Variants in FARS2 observed in about 807,000 individuals in gnomAD.
FARS2 encodes phenylalanine--tRNA ligase, mitochondrial.
A neutral mutation model predicts 46.4 loss-of-function variants in FARS2; 40 were observed. That is an observed-to-expected ratio of 0.86 (90% CI 0.67 to 1.12). FARS2 has a LOEUF of 1.12. Among genes scored for constraint, FARS2 ranks in the 50% most tolerant of loss-of-function variants. The pLI, the probability that FARS2 is intolerant of heterozygous loss-of-function variation, is 0.00. For synonymous variants in FARS2, 234 were observed against 214.9 expected (o/e 1.09, Z -0.78); for missense variants, 513 against 567.9 (o/e 0.90, Z 0.98).
intron 1 of FARS2, among the ~76,000 whole-genome samples, chr6:5,334,396 G>T (rs568949974): frequency 3.9e-5 from 6 of 152,186 alleles, no homozygotes; most frequent in Non-Finnish European, 8.8e-5. Flanking sequence ...AAAAATGCTT[G>T]CTTCTGTATG....
At chr6:5,507,274 C>T (rs1055512035) in intron 4 of FARS2, among the ~76,000 whole-genome samples, 1 of 152,176 alleles carries the variant, frequency 6.6e-6, no homozygotes, top group African/African-American at 2.4e-5. Flanking sequence ...ACACTGGTAA[C>T]ATTTACTTAG....
chr6:5,508,642 C>T (rs546448880), intron 4 of FARS2, among the ~76,000 whole-genome samples: 15 of 152,162 alleles, frequency 9.9e-5, no homozygotes, highest in African/African-American at 3.4e-4. Context: ...GAAGTGAGAC[C>T]GAAGTCTGAA....
chr6:5,268,770 C>G (rs1174333376), intron 1 of FARS2, among the ~76,000 whole-genome samples: 1 of 152,100 alleles, frequency 6.6e-6, no homozygotes, highest in African/African-American at 2.4e-5. Flanking sequence ...GGGGATGGCA[C>G]TGAATCTATA....
chr6:5,490,846 G>A (rs1267593778), intron 4 of FARS2, among the ~76,000 whole-genome samples: 2 of 152,198 alleles, frequency 1.3e-5, no homozygotes, highest in East Asian at 1.9e-4. Context: ...GAGTGAGCTT[G>A]GAAGCAGATA....
chr6:5,274,962 C>T (rs991062994), intron 1 of FARS2, among the ~76,000 whole-genome samples: 2 of 152,226 alleles, frequency 1.3e-5, no homozygotes, highest in African/African-American at 4.8e-5. Flanking sequence ...AGCAGTCCTC[C>T]TGCCTCGGCC....
intron 6 of FARS2, among the ~76,000 whole-genome samples, chr6:5,617,712 G>A (rs1775548899): frequency 6.6e-6 from 1 of 152,134 alleles, no homozygotes; most frequent in Non-Finnish European, 1.5e-5. Flanking sequence ...AGCCATTTTG[G>A]GCCATGGTGC....
rs570391988 is a variant in FARS2, at chr6:5,630,626, A to T, written c.1217+17306A>T. On this transcript the variant is annotated intron_variant, in intron 6 of 6. Coordinates refer to ENST00000274680, the MANE Select transcript of FARS2 (RefSeq NM_006567.5). The surrounding 1 kb of genome is among the most constrained non-coding windows in gnomAD (Gnocchi z 4.2). ...GGGAAGTTTCACGTTGCTGTCATTTACCCGTTCTGATTTTCCTTCCTCGTA... is the reference window on the plus strand; with the variant it reads ...GGGAAGTTTCACGTTGCTGTCATTTTCCCGTTCTGATTTTCCTTCCTCGTA... Among the ~76,000 whole-genome samples the T allele has an allele frequency of 6.6e-6, 1 of 152,254 alleles. No homozygotes were observed. Among genetic ancestry groups the T allele is most frequent in the East Asian group, 1.9e-4 (1 of 5,172 alleles).
intron 5 of FARS2, among the ~76,000 whole-genome samples, chr6:5,594,036 A>G (rs1325427996): frequency 6.6e-6 from 1 of 152,170 alleles, no homozygotes; most frequent in Non-Finnish European, 1.5e-5. Flanking sequence ...ATTGATTCCC[A>G]GGTCCCTCAC....
chr6:5,399,520 T>C (rs1384846664), intron 2 of FARS2, among the ~76,000 whole-genome samples: 1 of 152,136 alleles, frequency 6.6e-6, no homozygotes, highest in African/African-American at 2.4e-5. Context: ...AACTCAGAAC[T>C]ATACAACAAG....
At chr6:5,528,806 A>G (rs1197982038) in intron 4 of FARS2, among the ~76,000 whole-genome samples, 2 of 152,190 alleles carry the variant, frequency 1.3e-5, no homozygotes, top group Non-Finnish European at 2.9e-5. Flanking sequence ...AGTCATGCAC[A>G]CTGGAACTGT....
At chr6:5,388,037 A>AT (rs11461812) in intron 2 of FARS2, among the ~76,000 whole-genome samples, 28,258 of 150,174 alleles carry the variant, frequency 0.19, 2,641 homozygotes, top group Middle Eastern at 0.22. Context: ...TGGTGAACCA[A>AT]TTTTTTTTTT....
chr6:5,695,745 G>A (rs1207672880), intron 6 of FARS2, among the ~76,000 whole-genome samples: 1 of 152,204 alleles, frequency 6.6e-6, no homozygotes, highest in Non-Finnish European at 1.5e-5. Context: ...GAACTCAGAA[G>A]CCATAAAGGA....
chr6:5,574,972 C>T (rs1772873571), intron 5 of FARS2, among the ~76,000 whole-genome samples: 1 of 151,988 alleles, frequency 6.6e-6, no homozygotes, highest in African/African-American at 2.4e-5. Flanking sequence ...AAAAAATCCA[C>T]ATATAAGTGG....
At chr6:5,680,175 T>C (rs1013895464) in intron 6 of FARS2, among the ~76,000 whole-genome samples, 4 of 152,240 alleles carry the variant, frequency 2.6e-5, no homozygotes, top group African/African-American at 9.6e-5. Context: ...GAAACAATGC[T>C]TATGCTCAGA....
intron 4 of FARS2, among the ~76,000 whole-genome samples, chr6:5,434,286 A>AT (rs1389494809): frequency 6.6e-6 from 1 of 151,890 alleles, no homozygotes; most frequent in Admixed American, 6.6e-5. Flanking sequence ...TAATTTTTGT[A>AT]TTTTTAGTAG....
In FARS2 at chr6:5,368,802, C is replaced by G; in HGVS notation, c.232C>G (p.Leu78Val). Residue 78 changes from leucine (L) to valine (V), a missense_variant, in exon 2 of 7, where the codon CTG becomes GTG. Transcript: ENST00000274680. ...RKVLTRVGRNLHNQQHHPLWL... is the reference protein window; with the variant it reads ...RKVLTRVGRNVHNQQHHPLWL... ...GGTCCTCACCAGAGTTGGCAGGAAC[C>G]TGCACAACCAGCAGCATCACCCTCT... 6.2e-7 allele frequency: 1 copy of G among 1,614,206 alleles called. No individual in the cohort carries two copies. Among genetic ancestry groups the G allele is most frequent in the South Asian group, 1.1e-5 (1 of 91,082 alleles).
chr6:5,644,431 G>A (rs1776975196), intron 6 of FARS2, among the ~76,000 whole-genome samples: 1 of 152,082 alleles, frequency 6.6e-6, no homozygotes, highest in African/African-American at 2.4e-5. Flanking sequence ...GCTCAGACTG[G>A]TCTTGAACTG....
At chr6:5,381,864 G>A (rs1182311290) in intron 2 of FARS2, among the ~76,000 whole-genome samples, 1 of 152,156 alleles carries the variant, frequency 6.6e-6, no homozygotes, top group Non-Finnish European at 1.5e-5. Context: ...GGATGTGTTG[G>A]GGGAAACCAA....
intron 2 of FARS2, 139 bp downstream of exon 2, chr6:5,369,321 G>T: frequency 1.2e-6 from 1 of 806,560 alleles, no homozygotes. Context: ...CATACTTAAT[G>T]ACATCTTGTG....
Sources: allele counts gnomAD v4.1 joint callset (sites outside exome capture counted in the v4.1 genomes callset), GRCh38; gene constraint gnomAD v4.1.1; non-coding constraint Gnocchi (gnomAD v3.1); transcripts MANE v1.5; gene names NCBI Gene and HGNC (gene_info 2026-07-23, HGNC 2026-07-21).